The following EHBP1 variants were observed in gnomAD, a reference collection of about 807,000 sequenced individuals.
The protein encoded by EHBP1 is EH domain binding protein 1, also known as EH domain-binding protein 1.
EHBP1 carries 55 observed loss-of-function variants against 144.0 expected under a neutral mutation model. The ratio of observed to expected loss-of-function variants is 0.38; its 90% confidence interval spans 0.31 to 0.48. The LOEUF is 0.48. Among genes scored for constraint, EHBP1 ranks in the 20% least tolerant of loss-of-function variants. The pLI, the probability that EHBP1 is intolerant of heterozygous loss-of-function variation, is 0.98. For synonymous variants in EHBP1, 469 were observed against 472.7 expected (o/e 0.99, Z 0.10); for missense variants, 1,200 against 1,364.2 (o/e 0.88, Z 1.90).
intron 2 of EHBP1, among the ~76,000 whole-genome samples, chr2:62,711,096 G>T (rs1195670998): frequency 6.6e-6 from 1 of 152,166 alleles, no homozygotes; most frequent in African/African-American, 2.4e-5. Context: ...GGCTGTTGCA[G>T]TAATTCAAAC....
At chr2:63,003,360 C>T (rs561016869) in intron 19 of EHBP1, among the ~76,000 whole-genome samples, 2 of 152,126 alleles carry the variant, frequency 1.3e-5, no homozygotes, top group African/African-American at 2.4e-5. Context: ...TTTTTTATTA[C>T]GTAGTCCCTA....
intron 2 of EHBP1, among the ~76,000 whole-genome samples, chr2:62,745,921 T>C (rs533406372): frequency 4.5e-4 from 68 of 152,190 alleles, no homozygotes; most frequent in African/African-American, 1.6e-3. Context: ...GTACCTTCAA[T>C]TTAAGAGCCC....
At chr2:62,846,341 C>T (rs1285879315) in intron 7 of EHBP1, among the ~76,000 whole-genome samples, 1 of 152,088 alleles carries the variant, frequency 6.6e-6, no homozygotes, top group Non-Finnish European at 1.5e-5. Context: ...TATATGAGTT[C>T]ACTAAGGATT....
intron 19 of EHBP1, among the ~76,000 whole-genome samples, chr2:63,035,866 A>G (rs2061423137): frequency 6.6e-6 from 1 of 151,992 alleles, no homozygotes; most frequent in African/African-American, 2.4e-5. Flanking sequence ...CCTATATCAC[A>G]TGACCAGTGT....
intron 19 of EHBP1, among the ~76,000 whole-genome samples, chr2:63,025,173 T>C (rs1408299620): frequency 6.6e-6 from 1 of 152,126 alleles, no homozygotes; most frequent in Non-Finnish European, 1.5e-5. Flanking sequence ...ATTAGGTAGA[T>C]ATTTTGCTAA....
chr2:62,884,627 A>G (rs1042504574), intron 10 of EHBP1, among the ~76,000 whole-genome samples: 6 of 152,248 alleles, frequency 3.9e-5, no homozygotes, highest in African/African-American at 1.4e-4. Flanking sequence ...AAGGAAGGAA[A>G]TCACCAACTA....
intron 19 of EHBP1, among the ~76,000 whole-genome samples, chr2:63,008,561 T>C (rs868109897): frequency 7.9e-5 from 12 of 151,392 alleles, no homozygotes; most frequent in African/African-American, 2.9e-4. Flanking sequence ...TATAAATCAC[T>C]GCTTTTTTTT....
intron 7 of EHBP1, among the ~76,000 whole-genome samples, chr2:62,839,617 T>TTAAGCTGA (rs1442539684): frequency 1.3e-4 from 20 of 149,698 alleles, no homozygotes; most frequent in African/African-American, 4.9e-4. Context: ...CAAAATCTCC[T>TTAAGCTGA]TAAGCTGATA....
At chr2:62,827,668 TAAC>T (rs2046436741) in intron 6 of EHBP1, among the ~76,000 whole-genome samples, 1 of 151,966 alleles carries the variant, frequency 6.6e-6, no homozygotes. Context: ...TTAAGCAAGT[TAAC>T]TTTTTTTTTT....
intron 10 of EHBP1, among the ~76,000 whole-genome samples, chr2:62,879,471 A>T (rs996131122): frequency 2.6e-5 from 4 of 151,928 alleles, no homozygotes; most frequent in Non-Finnish European, 5.9e-5. Context: ...AAAATCCATA[A>T]CATTTCTATA....
intron 5 of EHBP1, among the ~76,000 whole-genome samples, chr2:62,776,801 T>C (rs1558652307): frequency 6.6e-6 from 1 of 152,224 alleles, no homozygotes; most frequent in Non-Finnish European, 1.5e-5. Context: ...TTTTATCTAC[T>C]GTAATAGAAT....
At chr2:62,725,727 T>A (rs1224012793) in intron 2 of EHBP1, among the ~76,000 whole-genome samples, 1 of 152,068 alleles carries the variant, frequency 6.6e-6, no homozygotes, top group Non-Finnish European at 1.5e-5. Flanking sequence ...GTAGGGTGCA[T>A]GCACATGGGC....
intron 5 of EHBP1, among the ~76,000 whole-genome samples, chr2:62,774,911 CAT>C (rs766849877): frequency 1.0e-3 from 152 of 152,010 alleles, no homozygotes; most frequent in Middle Eastern, 3.4e-3. Flanking sequence ...AGTTTACACT[CAT>C]ATGTGTGTGT....
At chr2:62,990,622 T>A in intron 15 of EHBP1, 94 bp from the exon 16 acceptor site, 1 of 1,300,658 alleles carries the variant, frequency 7.7e-7, no homozygotes. Flanking sequence ...TCTTTTAAAA[T>A]ATAGTAATAC....
intron 13 of EHBP1, among the ~76,000 whole-genome samples, chr2:62,951,538 G>C (rs566640185): frequency 4.2e-5 from 6 of 142,038 alleles, no homozygotes; most frequent in African/African-American, 7.8e-5. Flanking sequence ...TTTTTTTGGG[G>C]GGGGGGGGTG....
At chr2:62,991,258 A>G (rs1052507398) in intron 16 of EHBP1, among the ~76,000 whole-genome samples, 1 of 151,848 alleles carries the variant, frequency 6.6e-6, no homozygotes, top group African/African-American at 2.4e-5. Flanking sequence ...AAAAAAAAAA[A>G]AAATTAATTA....
exon 1 of EHBP1, chr2:62,673,950 G>T (rs1332184475): frequency 2.2e-6 from 1 of 456,486 alleles, no homozygotes; most frequent in Non-Finnish European, 4.5e-6. Flanking sequence ...AGTCATGGCA[G>T]AACTGGGTTG....
At chr2:62,810,361 C>G (rs533835956) in intron 5 of EHBP1, among the ~76,000 whole-genome samples, 6 of 152,302 alleles carry the variant, frequency 3.9e-5, no homozygotes, top group Non-Finnish European at 8.8e-5. Context: ...AGTGTGCTCA[C>G]GGATGATGAG....
chr2:63,037,525 C>A lies in EHBP1; in HGVS notation c.3104-10C>A. 6.3e-7 allele frequency: 1 copy of A among 1,584,312 alleles called. No homozygotes were observed. Among genetic ancestry groups the A allele is most frequent in the South Asian group, 1.1e-5 (1 of 86,994 alleles). On this transcript the variant is annotated splice_polypyrimidine_tract_variant and intron_variant, in intron 19 of 22. Coordinates refer to ENST00000431489, the MANE Select transcript of EHBP1 (RefSeq NM_001142616.3). ...TCGTATAGTAAAAGGTAACTCTTCC[C>A]GAATTATAGGAAGGAACACAGAAGA...
Sources: gnomAD v4.1 joint callset for allele counts (sites outside exome capture counted in the v4.1 genomes callset) on GRCh38, gnomAD v4.1.1 for gene constraint, MANE v1.5 for transcripts, NCBI Gene and HGNC (gene_info 2026-07-23, HGNC 2026-07-21) for gene names.